ABCC8: variants seen among roughly 807,000 people sequenced by gnomAD.
ABCC8 encodes ATP-binding cassette sub-family C member 8.
Under a neutral mutation model 188.0 loss-of-function variants are expected in ABCC8, and 137 were observed. The ratio of observed to expected loss-of-function variants is 0.73; its 90% CI spans 0.63 to 0.84. ABCC8 has a LOEUF of 0.84. Ranked by LOEUF, ABCC8 falls within the 40% of genes least tolerant of loss-of-function variation. The pLI, the probability that ABCC8 is intolerant of heterozygous loss-of-function variation, is 0.00. For synonymous variants in ABCC8, 797 were observed against 846.5 expected, an observed-to-expected ratio of 0.94 and a Z score of 1.01; for missense variants, 1,750 against 2,072.7, an observed-to-expected ratio of 0.84 and a Z score of 3.02.
chr11:17,466,872 G>T (rs113715214), intron 3 of ABCC8, among the ~76,000 whole-genome samples: 2,088 of 152,072 alleles, frequency 0.014, 49 homozygotes, highest in African/African-American at 0.048. Flanking sequence ...TGGCATGTTG[G>T]CCAGGCTGGT....
intron 2 of ABCC8, among the ~76,000 whole-genome samples, chr11:17,473,046 T>C (rs1290574683): frequency 6.6e-6 from 1 of 152,202 alleles, no homozygotes. Flanking sequence ...CATTTTTAAG[T>C]TGGCAACTAA....
intron 7 of ABCC8, among the ~76,000 whole-genome samples, chr11:17,449,850 T>C (rs955643160): frequency 6.6e-5 from 10 of 152,192 alleles, no homozygotes; most frequent in Non-Finnish European, 1.3e-4. Context: ...TTTAAAATAA[T>C]GAACCTATTC....
At chr11:17,450,312 T>C (rs866445122) in intron 7 of ABCC8, among the ~76,000 whole-genome samples, 10 of 126,584 alleles carry the variant, frequency 7.9e-5, no homozygotes, top group African/African-American at 3.4e-4. Context: ...CTTTCTTTCT[T>C]TCTTTCTTTC....
chr11:17,427,729 C>G lies in ABCC8; in HGVS notation c.2116+138G>C. 8.1e-7 allele frequency: 1 copy of G among 1,232,738 alleles called. No homozygotes were observed. The highest frequency in any genetic ancestry group is 1.1e-6 in the Non-Finnish European group (1 of 890,106). 76.4% of individuals were successfully genotyped at this position (1,232,738 alleles called of 1,614,324 possible). On this transcript the variant is annotated intron_variant, in intron 15 of 38. Coordinates refer to ENST00000389817, the MANE Select transcript of ABCC8 (RefSeq NM_000352.6). The surrounding 1 kb of genome is among the most constrained non-coding windows in gnomAD (Gnocchi z 5.0). ...GAAGCCTCTAGAATGTAGCCTTCCC[C>G]TTCTATAATATACCCAGGGCATACA... is the stretch of plus-strand genomic sequence containing the variant.
rs4148646 is a variant in ABCC8, at chr11:17,393,643, C to G, written c.4608+54G>C. 1,043,848 of 1,612,112 alleles carry G rather than the reference C, an allele frequency of 0.65. 341,876 individuals are homozygous for G. Among genetic ancestry groups the G allele is most frequent in the African/African-American group, 0.92 (69,305 of 75,016 alleles). ...GGCTGTGCACTGATGACGGCCACAA[C>G]AGGCCAGTCCTGTCCCTGGGTGTCC... On this transcript the variant is annotated intron_variant, in intron 38 of 38. Coordinates refer to ENST00000389817, the MANE Select transcript of ABCC8 (RefSeq NM_000352.6).
chr11:17,394,925 C>T (rs1403120136), intron 36 of ABCC8, among the ~76,000 whole-genome samples: 1 of 152,146 alleles, frequency 6.6e-6, no homozygotes, highest in East Asian at 1.9e-4. Flanking sequence ...CTCTGTCTCA[C>T]AAGGATCCCT....
At chr11:17,429,631 AAATATG>A (rs1338670125) in intron 12 of ABCC8, 26 of 152,350 alleles carry the variant, frequency 1.7e-4, no homozygotes, top group African/African-American at 5.8e-4. Context: ...GAGTGTTTGA[AAATATG>A]AACGCTTTGG....
At chr11:17,442,951 T>G (rs1323550442) in intron 9 of ABCC8, 69 bp from the exon 10 acceptor site, 1 of 1,601,134 alleles carries the variant, frequency 6.2e-7, no homozygotes, top group African/African-American at 1.4e-5. Context: ...AAGGCCTGAG[T>G]GTCAATACTG....
intron 38 of ABCC8, 163 bp from the exon 39 acceptor site, chr11:17,393,291 T>A: frequency 1.0e-6 from 1 of 957,704 alleles, no homozygotes; most frequent in Non-Finnish European, 1.6e-6. Context: ...TGGATGTGAC[T>A]ACAAGCTCTC....
intron 16 of ABCC8, among the ~76,000 whole-genome samples, chr11:17,424,235 G>A (rs887950914): frequency 6.6e-6 from 1 of 151,912 alleles, no homozygotes; most frequent in Non-Finnish European, 1.5e-5. Context: ...AAAGATGACA[G>A]GTTGATAGGT....
At chr11:17,411,337 G>A (rs556010133) in intron 21 of ABCC8, among the ~76,000 whole-genome samples, 110 of 152,290 alleles carry the variant, frequency 7.2e-4, no homozygotes, top group African/African-American at 2.6e-3. Flanking sequence ...CAGAGTAGAC[G>A]CTTCATAAAC....
chr11:17,448,717 A>G (rs370650481), intron 7 of ABCC8, 46 bp from the exon 8 acceptor site: 251 of 1,613,570 alleles, frequency 1.6e-4, no homozygotes, highest in Middle Eastern at 1.2e-3. Flanking sequence ...CATTCTCATC[A>G]TCATCACCAC....
At chr11:17,471,205 G>A (rs2133715131) in intron 2 of ABCC8, among the ~76,000 whole-genome samples, 1 of 152,324 alleles carries the variant, frequency 6.6e-6, no homozygotes, top group Admixed American at 6.5e-5. Context: ...TGGTATGGAG[G>A]GGGCTGCCAT....
chr11:17,395,097 A>C (rs1953838021), intron 36 of ABCC8, 75 bp downstream of exon 36: 1 of 1,533,830 alleles, frequency 6.5e-7, no homozygotes, highest in Non-Finnish European at 8.8e-7. Context: ...AACCTGAGAC[A>C]CGGGCTTCTG....
Position 17,398,380 on chromosome 11 carries a change from G to A in ABCC8, c.3712C>T (p.Leu1238Phe). 6.2e-7 allele frequency: 1 copy of A among 1,614,186 alleles called. No homozygotes were observed. The highest frequency in any genetic ancestry group is 8.5e-7 in the Non-Finnish European group (1 of 1,180,008). The change falls in exon 30 of 39, where the codon CTC becomes TTC. Residue 1238 changes from leucine (L) to phenylalanine (F), a missense_variant. Leu to Phe is a conservative substitution (Grantham distance 22). Coordinates refer to ENST00000389817, the MANE Select transcript of ABCC8 (RefSeq NM_000352.6). ...EYTDSNNIAS[L>F]FLTAANRWLE... is the part of the protein sequence containing the mutation. ...CATCTGTTGGCAGCTGTGAGGAAGAGGGAAGCAATGTTGTTGGAGTCTGTG... is the reference window on the plus strand; with the variant it reads ...CATCTGTTGGCAGCTGTGAGGAAGAAGGAAGCAATGTTGTTGGAGTCTGTG...
At chr11:17,439,807 G>A (rs1407164557) in intron 10 of ABCC8, among the ~76,000 whole-genome samples, 4 of 152,100 alleles carry the variant, frequency 2.6e-5, no homozygotes, top group Non-Finnish European at 5.9e-5. Flanking sequence ...GCGGGCTCCT[G>A]CTTGGCTCCA....
At chr11:17,437,557 C>T (rs1336269866) in intron 10 of ABCC8, among the ~76,000 whole-genome samples, 2 of 152,174 alleles carry the variant, frequency 1.3e-5, no homozygotes, top group Non-Finnish European at 2.9e-5. Context: ...TTGAGGTGCA[C>T]GGGGCTGTTT....
At chr11:17,449,091 C>A (rs1044362304) in intron 7 of ABCC8, among the ~76,000 whole-genome samples, 4 of 152,240 alleles carry the variant, frequency 2.6e-5, no homozygotes, top group African/African-American at 9.6e-5. Context: ...CCATGCCCAG[C>A]TAATTTTTAT....
In ABCC8 at chr11:17,406,796, G is replaced by A. The variant is rs1489967666; in HGVS notation, c.3163-8C>T. 1 of 1,614,218 alleles carries A rather than the reference G, an allele frequency of 6.2e-7. No individual in the cohort carries two copies. On this transcript the variant is annotated splice_region_variant and splice_polypyrimidine_tract_variant and intron_variant, in intron 25 of 38. Transcript: ENST00000389817. ...CTGGTCGAGGGTGCACTCCTTCACA[G>A]GCAGAGAGTGATTTGGAGTTCCAGG... is the stretch of plus-strand genomic sequence containing the variant.
Sources: gnomAD v4.1 joint callset for allele counts (sites outside exome capture counted in the v4.1 genomes callset) on GRCh38, gnomAD v4.1.1 for gene constraint, Gnocchi (gnomAD v3.1) non-coding constraint, MANE v1.5 for transcripts, NCBI Gene and HGNC (gene_info 2026-07-23, HGNC 2026-07-21) for gene names.